Variants in AXL observed in about 807,000 individuals in gnomAD.
The protein encoded by AXL is AXL receptor tyrosine kinase, also known as tyrosine-protein kinase receptor UFO.
In AXL, 52 loss-of-function variants were observed where a neutral mutation model predicts 104.5. The observed-to-expected ratio is 0.50, with a 90% CI of 0.40 to 0.63. The LOEUF is 0.63. Among genes scored for constraint, AXL ranks in the 20% least tolerant of loss-of-function variants. The pLI is 0.00. For missense variants in AXL, 1,024 were observed against 1,188.5 expected (o/e 0.86, Z 2.04); for synonymous variants, 455 against 473.7 (o/e 0.96, Z 0.51).
intron 18 of AXL, 67 bp from the exon 19 acceptor site, chr19:41,257,426 G>T: frequency 6.2e-7 from 1 of 1,602,024 alleles, no homozygotes; most frequent in South Asian, 1.1e-5. Flanking sequence ...GTGTACCCAT[G>T]AACCTGGGTA....
chr19:41,251,853 C>T lies in AXL; in HGVS notation c.1712-498C>T, dbSNP rs186231630. 1.8e-3 allele frequency among the ~76,000 whole-genome samples: 270 copies of T among 152,078 alleles called. 3 individuals carry two copies. The highest frequency in any genetic ancestry group is 6.3e-3 in the African/African-American group (262 of 41,516). ...AGTTGGCCAAGCGCAGTGGCTGACG[C>T]CTGTAATCCTAGCACTTTGGGAGGC... On this transcript the variant is annotated intron_variant, in intron 14 of 19. Coordinates refer to ENST00000301178, the MANE Select transcript of AXL (RefSeq NM_021913.5).
intron 4 of AXL, among the ~76,000 whole-genome samples, chr19:41,229,029 A>C (rs2033931225): frequency 6.6e-6 from 1 of 150,540 alleles, no homozygotes. Flanking sequence ...AGCTCACTGC[A>C]GCCTCTGCCT....
Position 41,222,120 on chromosome 19 carries a change from G to A in AXL, c.586+64G>A, listed in dbSNP as rs2033802535. 9 of 1,412,006 alleles carry A rather than the reference G, an allele frequency of 6.4e-6. No homozygotes were observed. In the Admixed American group the frequency reaches 2.6e-4, roughly 40 times the overall value. 87.5% of individuals were successfully genotyped at this position (1,412,006 alleles called of 1,614,324 possible). ...CGGGCAGGGCTGAAGTCAGGAGCAA[G>A]GGAACATTGCTACCTCTGCGTGAGT... On this transcript the variant is annotated intron_variant, in intron 4 of 19. Coordinates refer to ENST00000301178, the MANE Select transcript of AXL (RefSeq NM_021913.5).
intron 9 of AXL, 59 bp downstream of exon 9, chr19:41,239,373 T>A (rs1343793879): frequency 6.5e-7 from 1 of 1,532,014 alleles, no homozygotes; most frequent in East Asian, 2.3e-5. Context: ...CAGCCCTGAC[T>A]TACTCCTTGT....
At chr19:41,230,916 C>A (rs1404085222) in intron 4 of AXL, 51 bp from the exon 5 acceptor site, 3 of 1,583,410 alleles carry the variant, frequency 1.9e-6, no homozygotes, top group Non-Finnish European at 2.6e-6. Flanking sequence ...GGCCCCGGAG[C>A]CCTTCCTGCC....
rs774738552 is a variant in AXL, at chr19:41,248,787, T to G, written c.1678T>G (p.Ser560Ala). The change falls in exon 14 of 20, where the codon TCC (serine) becomes GCC (alanine). Residue 560 changes from serine (S) to alanine (A), a missense_variant. By Grantham distance (99) the Ser-to-Ala change is moderately conservative. Transcript: ENST00000301178. The stretch of plus-strand genomic sequence containing the variant: ...GGAAGGCCAGCTCAACCAGGACGAC[T>G]CCATCCTCAAGGTGGCTGTGAAGAC... ...VMEGQLNQDD[S>A]ILKVAVKTMK... 6.2e-7 allele frequency: 1 copy of G among 1,613,774 alleles called. No individual in the cohort carries two copies. The highest frequency in any genetic ancestry group is 1.1e-5 in the South Asian group (1 of 91,026).
chr19:41,220,585 C>T lies in AXL; in HGVS notation c.86-51C>T, dbSNP rs916987378. The T allele has an allele frequency of 1.2e-5, 18 of 1,485,006 alleles. No individual in the cohort carries two copies. In the African/African-American group the frequency reaches 2.4e-4, roughly 20 times the overall value. The allele number at this position is 1,485,006 out of a possible 1,614,324, so 92.0% of individuals were successfully genotyped here. ...GGCAAGGACAGGGTGGAACTGAGGG[C>T]CGGAAGGAGCTGGGGGGTTCCTAAG... On this transcript the variant is annotated intron_variant, in intron 1 of 19. Transcript: ENST00000301178.
intron 8 of AXL, 101 bp from the exon 9 acceptor site, chr19:41,239,063 G>T: frequency 7.3e-7 from 1 of 1,369,998 alleles, no homozygotes; most frequent in East Asian, 2.4e-5. Context: ...TGGAGGATGG[G>T]GAGAGCGTTT....
chr19:41,242,243 A>G (rs2034194309), intron 10 of AXL, among the ~76,000 whole-genome samples: 1 of 151,456 alleles, frequency 6.6e-6, no homozygotes, highest in African/African-American at 2.4e-5. Flanking sequence ...CAAACGCCCA[A>G]ACAGAGACTT....
At chr19:41,253,449 C>T in intron 16 of AXL, 150 bp from the exon 17 acceptor site, 1 of 647,180 alleles carries the variant, frequency 1.5e-6, no homozygotes, top group South Asian at 1.8e-5. Context: ...TTTATAGGAC[C>T]TTGCAGGCCA....
At chr19:41,250,044 C>T (rs73045217) in intron 14 of AXL, among the ~76,000 whole-genome samples, 6,169 of 152,232 alleles carry the variant, frequency 0.041, 184 homozygotes, top group Non-Finnish European at 0.053. Context: ...ACCAGCTATG[C>T]GATCTCAGGC....
chr19:41,249,739 G>C (rs2034330945), intron 14 of AXL, among the ~76,000 whole-genome samples: 2 of 151,138 alleles, frequency 1.3e-5, no homozygotes, highest in African/African-American at 4.9e-5. Flanking sequence ...CTGGGCGACA[G>C]AGCAAGACTC....
At chr19:41,239,840 ACTT>A (rs1336758049) in intron 10 of AXL, 120 bp downstream of exon 10, 3 of 1,401,922 alleles carry the variant, frequency 2.1e-6, no homozygotes, top group African/African-American at 1.4e-5. Context: ...ACTCTAACCT[ACTT>A]CTTGAGTTTG....
chr19:41,238,336 T>G, intron 7 of AXL, 134 bp from the exon 8 acceptor site: 22 of 1,480,228 alleles, frequency 1.5e-5, no homozygotes, highest in Non-Finnish European at 1.9e-5. Context: ...CTCTCCCCTG[T>G]GCTTCCTCTC....
intron 19 of AXL, among the ~76,000 whole-genome samples, chr19:41,258,134 G>A (rs1568419786): frequency 6.6e-6 from 1 of 152,206 alleles, no homozygotes; most frequent in Non-Finnish European, 1.5e-5. Flanking sequence ...TGGAGTATGC[G>A]GAGAAGGCCG....
rs774132867 is a variant in AXL, at chr19:41,220,692, C to A, written c.142C>A (p.Arg48=). 1 of 1,611,546 alleles carries A rather than the reference C, an allele frequency of 6.2e-7. No individual in the cohort carries two copies. The highest frequency in any genetic ancestry group is 8.5e-7 in the Non-Finnish European group (1 of 1,178,860). ...CAACCCAGGGAATATCACAGGTGCC[C>A]GGGGACTCACGGGCACCCTTCGGTG... ...VGNPGNITGA[R]GLTGTLRCQL... is the part of the protein sequence containing the mutation. The change falls in exon 2 of 20, where the codon CGG becomes AGG. Residue 48 remains arginine, a synonymous_variant. Transcript: ENST00000301178.
At position 41,253,038 on chromosome 19, in the gene AXL, AC is replaced by A. The variant is rs1201528771; in HGVS notation, c.1926+74del. 3.3e-6 allele frequency: 5 copies of A among 1,535,634 alleles called. No homozygotes were observed. In the Admixed American group the frequency reaches 9.0e-5, roughly 28 times the overall value. On this transcript the variant is annotated intron_variant, in intron 16 of 19. Coordinates refer to ENST00000301178, the MANE Select transcript of AXL (RefSeq NM_021913.5). ...CTATCAGGTACCCAGTGCTGCTCAG[AC>A]CCTGGGAAGACCACGGTGACCAGGA... is the stretch of plus-strand genomic sequence containing the variant.
Position 41,259,918 on chromosome 19 carries a change from CT to C in AXL, c.*15del. 1 of 1,534,078 alleles carries C rather than the reference CT, an allele frequency of 6.5e-7. No individual in the cohort carries two copies. The highest frequency in any genetic ancestry group is 8.8e-7 in the Non-Finnish European group (1 of 1,138,742). ...GATGGTGCCTGAGACAACCCTCCAC[CT>C]GGTACTCCCTCTCAGGATCCAAGCT... On this transcript the variant is annotated 3_prime_UTR_variant, in exon 20 of 20. Transcript: ENST00000301178.
intron 4 of AXL, 98 bp from the exon 5 acceptor site, chr19:41,230,869 C>A: frequency 7.7e-7 from 1 of 1,294,442 alleles, no homozygotes; most frequent in East Asian, 2.3e-5. Flanking sequence ...CTGCACTGCC[C>A]CTGGTCAGGC....
Sources: gnomAD v4.1 joint callset for allele counts (sites outside exome capture counted in the v4.1 genomes callset) on GRCh38, gnomAD v4.1.1 for gene constraint, MANE v1.5 for transcripts, NCBI Gene and HGNC (gene_info 2026-07-23, HGNC 2026-07-21) for gene names.